The following AGMO variants were observed in gnomAD, a reference collection of about 807,000 sequenced individuals.
AGMO encodes the protein alkylglycerol monooxygenase.
Under a neutral mutation model 60.2 loss-of-function variants are expected in AGMO, and 75 were observed. That is an observed-to-expected ratio of 1.25 (90% CI 1.03 to 1.51). The LOEUF (loss-of-function observed/expected upper bound fraction) is 1.51. Ranked by LOEUF, AGMO falls within the 40% of genes most tolerant of loss-of-function variation. The pLI is 0.00. For synonymous variants in AGMO, 261 were observed against 177.1 expected, an observed-to-expected ratio of 1.47 and a Z score of -3.76; for missense variants, 763 against 525.5, an observed-to-expected ratio of 1.45 and a Z score of -4.42.
At chr7:15,278,106 G>C (rs2128517408) in intron 12 of AGMO, among the ~76,000 whole-genome samples, 1 of 148,748 alleles carries the variant, frequency 6.7e-6, no homozygotes, top group East Asian at 2.1e-4. Flanking sequence ...GTAACTGAAA[G>C]CCGTGGAATA....
At chr7:15,505,535 C>T (rs183489743) in intron 3 of AGMO, among the ~76,000 whole-genome samples, 1 of 152,008 alleles carries the variant, frequency 6.6e-6, no homozygotes, top group East Asian at 1.9e-4. Context: ...TGTCACTCTC[C>T]CTTCGATTCG....
intron 12 of AGMO, among the ~76,000 whole-genome samples, chr7:15,280,561 C>T (rs752083681): frequency 6.6e-6 from 1 of 152,174 alleles, no homozygotes; most frequent in Non-Finnish European, 1.5e-5. Context: ...CTCTACGGCC[C>T]CACCTATAGC....
chr7:15,544,485 A>G (rs954934566), intron 3 of AGMO, among the ~76,000 whole-genome samples: 1 of 152,222 alleles, frequency 6.6e-6, no homozygotes, highest in Non-Finnish European at 1.5e-5. Context: ...ATTAAAAACC[A>G]AATGGTAAAT....
chr7:15,437,423 G>A (rs1781430477), intron 3 of AGMO, among the ~76,000 whole-genome samples: 1 of 151,860 alleles, frequency 6.6e-6, no homozygotes, highest in African/African-American at 2.4e-5. Flanking sequence ...AAATTTGTAA[G>A]TTGGCTGGGC....
intron 12 of AGMO, chr7:15,306,450 T>G: frequency 2.2e-6 from 1 of 456,844 alleles, no homozygotes; most frequent in South Asian, 1.6e-5. Context: ...AAACATATTC[T>G]TCTGCAATCA....
At chr7:15,264,986 G>A (rs894480215) in intron 12 of AGMO, among the ~76,000 whole-genome samples, 2 of 151,932 alleles carry the variant, frequency 1.3e-5, no homozygotes, top group African/African-American at 2.4e-5. Flanking sequence ...GCACTCTTAC[G>A]TTCATTGCAG....
At chr7:15,173,082 A>G in the AGMO span, among the ~76,000 whole-genome samples, 3 of 152,156 alleles carry the variant, frequency 2.0e-5, no homozygotes, top group Non-Finnish European at 4.4e-5. Flanking sequence ...TGAAAAGTAA[A>G]TATGTTACAT....
intron 12 of AGMO, among the ~76,000 whole-genome samples, chr7:15,310,409 C>G (rs1780736037): frequency 3.9e-5 from 6 of 151,970 alleles, no homozygotes; most frequent in Admixed American, 3.9e-4. Context: ...TATTTGGTTT[C>G]CATTTGGAAA....
At chr7:15,444,407 T>C (rs919246016) in intron 3 of AGMO, among the ~76,000 whole-genome samples, 21 of 152,328 alleles carry the variant, frequency 1.4e-4, no homozygotes, top group Non-Finnish European at 2.8e-4. Context: ...AAGAATGAAC[T>C]ATTTACTCCC....
intron 6 of AGMO, among the ~76,000 whole-genome samples, chr7:15,392,793 T>C (rs1447656197): frequency 1.5e-4 from 20 of 131,064 alleles, no homozygotes; most frequent in Admixed American, 1.5e-3. Flanking sequence ...AATGAGACTC[T>C]GTCTCAAAAC....
Position 15,561,885 on chromosome 7 carries a change from A to T in AGMO, c.-40T>A. The stretch of plus-strand genomic sequence containing the variant: ...GATTCCCAGCTGGAGAATATTTAGG[A>T]TTCAATGCTTGAAGCCTGAGGCTGA... On this transcript the variant is annotated 5_prime_UTR_variant, in exon 1 of 13. Coordinates refer to ENST00000342526, the MANE Select transcript of AGMO (RefSeq NM_001004320.2). 1 of 1,561,860 alleles carries T rather than the reference A, an allele frequency of 6.4e-7. No homozygotes were observed. The highest frequency in any genetic ancestry group is 1.4e-5 in the African/African-American group (1 of 72,864).
At chr7:15,446,571 G>C (rs987086842) in intron 3 of AGMO, among the ~76,000 whole-genome samples, 1 of 152,158 alleles carries the variant, frequency 6.6e-6, no homozygotes, top group Admixed American at 6.5e-5. Context: ...CATACTTTGA[G>C]ATGAAATTAA....
At chr7:15,171,170 A>G in the AGMO span, among the ~76,000 whole-genome samples, 2 of 151,840 alleles carry the variant, frequency 1.3e-5, no homozygotes, top group Non-Finnish European at 2.9e-5. Context: ...TTTAGTAGAG[A>G]CGGGGTTTCA....
intron 12 of AGMO, among the ~76,000 whole-genome samples, chr7:15,241,603 C>A (rs1359165041): frequency 6.6e-6 from 1 of 151,222 alleles, no homozygotes; most frequent in African/African-American, 2.4e-5. Context: ...TAAAGGAAGA[C>A]AACTGACATG....
At chr7:15,363,932 A>T (rs1002343821) in intron 12 of AGMO, among the ~76,000 whole-genome samples, 12 of 151,812 alleles carry the variant, frequency 7.9e-5, no homozygotes, top group Non-Finnish European at 1.8e-4. Context: ...TGATTTTATG[A>T]TTTTTTTCAG....
chr7:15,272,262 A>C (rs1783637377), intron 12 of AGMO, among the ~76,000 whole-genome samples: 1 of 144,616 alleles, frequency 6.9e-6, no homozygotes, highest in Non-Finnish European at 1.5e-5. Flanking sequence ...TATATCTCCT[A>C]ATGCTATCCC....
intron 12 of AGMO, among the ~76,000 whole-genome samples, chr7:15,216,833 A>AGTGT (rs1181410197): frequency 0.21 from 30,659 of 146,572 alleles, 3,193 homozygotes; most frequent in Non-Finnish European, 0.24. Flanking sequence ...TGAAAGAAAA[A>AGTGT]GTGTGTGTGT....
At chr7:15,384,286 A>C (rs1346373625) in intron 10 of AGMO, among the ~76,000 whole-genome samples, 1 of 152,130 alleles carries the variant, frequency 6.6e-6, no homozygotes, top group South Asian at 2.1e-4. Flanking sequence ...TATGTAAGCC[A>C]TTGAGTGTTG....
intron 12 of AGMO, among the ~76,000 whole-genome samples, chr7:15,354,444 ACGTG>A (rs1782416801): frequency 1.2e-4 from 2 of 16,144 alleles, no homozygotes; most frequent in Admixed American, 7.2e-4. Context: ...GTGTATACAC[ACGTG>A]TGTGTATACA....
Sources: allele counts gnomAD v4.1 joint callset (sites outside exome capture counted in the v4.1 genomes callset), GRCh38; gene constraint gnomAD v4.1.1; transcripts MANE v1.5; gene names NCBI Gene and HGNC (gene_info 2026-07-23, HGNC 2026-07-21).